TRABD2A: variants seen among roughly 807,000 people sequenced by gnomAD.
TRABD2A encodes the protein metalloprotease TIKI1.
A neutral mutation model predicts 45.6 loss-of-function variants in TRABD2A; 43 were observed. The observed-to-expected ratio is 0.94, with a 90% CI of 0.74 to 1.22. The LOEUF is 1.22. Among genes scored for constraint, TRABD2A ranks in the 50% most tolerant of loss-of-function variants. TRABD2A has a pLI of 0.00. For synonymous variants in TRABD2A, 269 were observed against 265.0 expected (o/e 1.02, Z -0.15); for missense variants, 642 against 652.4 (o/e 0.98, Z 0.17).
chr2:84,849,225 T>G (rs752555434), intron 2 of TRABD2A, among the ~76,000 whole-genome samples: 8 of 152,124 alleles, frequency 5.3e-5, no homozygotes, highest in Admixed American at 1.3e-4. Flanking sequence ...CAAGCAGAAT[T>G]CTACAGCTCA....
chr2:84,869,719 C>T (rs1052969962), intron 2 of TRABD2A, among the ~76,000 whole-genome samples: 1 of 152,140 alleles, frequency 6.6e-6, no homozygotes, highest in African/African-American at 2.4e-5. Context: ...GTGGCTCACA[C>T]CTGTAATCCC....
intron 3 of TRABD2A, among the ~76,000 whole-genome samples, chr2:84,840,961 A>T (rs1681690078): frequency 6.6e-6 from 1 of 152,022 alleles, no homozygotes; most frequent in Admixed American, 6.5e-5. Context: ...TTCCTCCTTC[A>T]GCTCTCATGT....
intron 5 of TRABD2A, among the ~76,000 whole-genome samples, chr2:84,827,142 A>C (rs1681173253): frequency 6.6e-6 from 1 of 152,158 alleles, no homozygotes; most frequent in Non-Finnish European, 1.5e-5. Context: ...ACCCACCTGG[A>C]TTCTCACAGT....
chr2:84,862,197 C>G (rs1278281784), intron 2 of TRABD2A, among the ~76,000 whole-genome samples: 1 of 152,230 alleles, frequency 6.6e-6, no homozygotes, highest in Non-Finnish European at 1.5e-5. Flanking sequence ...CACCTGGCTC[C>G]TTGCCCTTCT....
rs777981199 is a variant in TRABD2A, at chr2:84,839,143, A to G, written c.991+6T>C. Reference sequence around the variant, plus strand: ...AGAGGCTAATCAGAGGTGACCCACTACTCACCAGCTCCAAAGGCAAAGAAG... The same window carrying G: ...AGAGGCTAATCAGAGGTGACCCACTGCTCACCAGCTCCAAAGGCAAAGAAG... On this transcript the variant is annotated splice_donor_region_variant and intron_variant, in intron 4 of 6. Coordinates refer to ENST00000409520, the MANE Select transcript of TRABD2A (RefSeq NM_001277053.2). 7 of 1,613,668 alleles carry G rather than the reference A, an allele frequency of 4.3e-6. No individual in the cohort carries two copies. The highest frequency in any genetic ancestry group is 1.1e-5 in the South Asian group (1 of 91,078).
Position 84,827,794 on chromosome 2 carries a change from T to TG in TRABD2A, c.1083-3591dup, listed in dbSNP as rs531081543. Among the ~76,000 whole-genome samples, 491 of 152,246 alleles carry TG rather than the reference T, an allele frequency of 3.2e-3. 4 individuals carry two copies. The highest frequency in any genetic ancestry group is 0.011 in the African/African-American group (466 of 41,528). Reference sequence around the variant, plus strand: ...AGAGGGGGATATGACTATGGAAGAATGGTTATAGAGATGCAATATTGCTGG... The same window carrying TG: ...AGAGGGGGATATGACTATGGAAGAATGGGTTATAGAGATGCAATATTGCTGG... On this transcript the variant is annotated intron_variant, in intron 5 of 6. Coordinates refer to ENST00000409520, the MANE Select transcript of TRABD2A (RefSeq NM_001277053.2).
At chr2:84,864,170 C>G (rs1036016101) in intron 2 of TRABD2A, among the ~76,000 whole-genome samples, 1 of 152,026 alleles carries the variant, frequency 6.6e-6, no homozygotes, top group African/African-American at 2.4e-5. Flanking sequence ...TTCAGAATTC[C>G]GAGCTAAGGA....
intron 3 of TRABD2A, 74 bp downstream of exon 3, chr2:84,841,787 A>T: frequency 7.1e-7 from 1 of 1,413,974 alleles, no homozygotes; most frequent in Non-Finnish European, 9.3e-7. Flanking sequence ...CACAGGATGT[A>T]CATGTTGCCA....
At chr2:84,829,466 TACC>T in intron 5 of TRABD2A, among the ~76,000 whole-genome samples, 1 of 121,002 alleles carries the variant, frequency 8.3e-6, no homozygotes, top group Non-Finnish European at 1.7e-5. Flanking sequence ...ACACCACACA[TACC>T]ACAATGCACA....
intron 5 of TRABD2A, among the ~76,000 whole-genome samples, chr2:84,831,356 GGTT>G (rs1405947481): frequency 6.6e-6 from 1 of 152,132 alleles, no homozygotes; most frequent in Non-Finnish European, 1.5e-5. Flanking sequence ...CTCAGTCTGT[GGTT>G]GTTGTTATGA....
chr2:84,874,279 G>A (rs1420888076), intron 1 of TRABD2A, among the ~76,000 whole-genome samples: 4 of 152,094 alleles, frequency 2.6e-5, no homozygotes, highest in Non-Finnish European at 5.9e-5. Flanking sequence ...ACACACACAC[G>A]CACATACACG....
intron 2 of TRABD2A, among the ~76,000 whole-genome samples, chr2:84,846,458 C>T (rs1053117426): frequency 6.6e-6 from 1 of 152,128 alleles, no homozygotes; most frequent in Non-Finnish European, 1.5e-5. Flanking sequence ...TACAGTGCCT[C>T]GAGAGACCAG....
intron 1 of TRABD2A, among the ~76,000 whole-genome samples, chr2:84,871,820 C>T (rs181156012): frequency 3.9e-5 from 6 of 152,274 alleles, no homozygotes; most frequent in Admixed American, 3.9e-4. Context: ...CTGGTGACCC[C>T]AATGTACCGC....
intron 2 of TRABD2A, among the ~76,000 whole-genome samples, chr2:84,846,607 C>T (rs79927944): frequency 1.3e-5 from 2 of 152,222 alleles, no homozygotes; most frequent in African/African-American, 2.4e-5. Flanking sequence ...CAATGAAAGT[C>T]AGAGGAAGGC....
chr2:84,831,688 C>T (rs781501518), intron 5 of TRABD2A, among the ~76,000 whole-genome samples: 4 of 152,146 alleles, frequency 2.6e-5, no homozygotes, highest in Non-Finnish European at 4.4e-5. Context: ...TTTTGCCTCC[C>T]GAAAACTTCC....
intron 5 of TRABD2A, among the ~76,000 whole-genome samples, chr2:84,827,335 C>T (rs1681179525): frequency 6.6e-6 from 1 of 152,210 alleles, no homozygotes. Flanking sequence ...GGCTTGGAGC[C>T]TTAGACAAGA....
chr2:84,828,307 G>GGC (rs1158070571), intron 5 of TRABD2A, among the ~76,000 whole-genome samples: 1 of 152,062 alleles, frequency 6.6e-6, no homozygotes, highest in Non-Finnish European at 1.5e-5. Flanking sequence ...GAGCTGGCAG[G>GGC]GCCTTAAGTA....
At chr2:84,844,707 AG>A (rs1439307031) in intron 2 of TRABD2A, among the ~76,000 whole-genome samples, 1 of 152,194 alleles carries the variant, frequency 6.6e-6, no homozygotes, top group Non-Finnish European at 1.5e-5. Flanking sequence ...AAACCTTCAA[AG>A]GTTTGGGAGG....
In TRABD2A at chr2:84,824,147, T is replaced by A. The variant is rs373152672; in HGVS notation, c.1140A>T (p.Lys380Asn). 8.4e-5 allele frequency: 136 copies of A among 1,613,880 alleles called. No individual in the cohort carries two copies. Among genetic ancestry groups the A allele is most frequent in the Non-Finnish European group, 1.1e-4 (131 of 1,179,888 alleles). The change falls in exon 6 of 7, where the codon AAA becomes AAT. Residue 380 changes from lysine to asparagine, a missense_variant. Physicochemically the swap from Lys to Asn is moderately conservative, Grantham distance 94. Coordinates refer to ENST00000409520, the MANE Select transcript of TRABD2A (RefSeq NM_001277053.2). ...GTGCCGGTACTTCCAGGGTAGGGAC[T>A]TTTGGAGCAAAGATGGTGGACAGAG... is the stretch of plus-strand genomic sequence containing the variant. ...RPTLSTIFAPKVPTLEVPAPE... is the reference protein window; with the variant it reads ...RPTLSTIFAPNVPTLEVPAPE...
Sources: gnomAD v4.1 joint callset for allele counts (sites outside exome capture counted in the v4.1 genomes callset) on GRCh38, gnomAD v4.1.1 for gene constraint, MANE v1.5 for transcripts, NCBI Gene and HGNC (gene_info 2026-07-23, HGNC 2026-07-21) for gene names.